Variants in PKM observed in about 807,000 individuals in gnomAD.
PKM encodes the protein pyruvate kinase PKM.
In PKM, 18 loss-of-function variants were observed where a neutral mutation model predicts 49.8. That is an observed-to-expected ratio of 0.36 (90% CI 0.25 to 0.54). The LOEUF (loss-of-function observed/expected upper bound fraction) is 0.54. Among genes scored for constraint, PKM ranks in the 20% least tolerant of loss-of-function variants. The pLI is 0.89. For synonymous variants in PKM, 239 were observed against 261.8 expected (o/e 0.91, Z 0.84); for missense variants, 508 against 713.8 (o/e 0.71, Z 3.28).
At chr15:72,223,023 CTT>C (rs755504486) in intron 1 of PKM, among the ~76,000 whole-genome samples, 14 of 132,048 alleles carry the variant, frequency 1.1e-4, no homozygotes, top group African/African-American at 1.1e-4. Flanking sequence ...TTTTTTTTTT[CTT>C]TTTTTTTTTT....
At chr15:72,207,990 T>C (rs957371452) in intron 6 of PKM, among the ~76,000 whole-genome samples, 1 of 152,186 alleles carries the variant, frequency 6.6e-6, no homozygotes, top group African/African-American at 2.4e-5. Flanking sequence ...CCAAAAATGG[T>C]GGCCATGCCC....
At chr15:72,223,988 C>T (rs2082595667) in intron 1 of PKM, among the ~76,000 whole-genome samples, 1 of 151,748 alleles carries the variant, frequency 6.6e-6, no homozygotes, top group African/African-American at 2.4e-5. Context: ...TCAACAGGAA[C>T]CTAAGGTCCT....
At chr15:72,220,686 T>C (rs2082498593) in intron 1 of PKM, among the ~76,000 whole-genome samples, 1 of 152,258 alleles carries the variant, frequency 6.6e-6, no homozygotes, top group Admixed American at 6.5e-5. Context: ...TATATGGTTT[T>C]GTATCTCCTA....
chr15:72,200,564 G>A lies in PKM; in HGVS notation c.1399C>T (p.Arg467Cys), dbSNP rs746373368. 9 of 1,613,796 alleles carry A rather than the reference G, an allele frequency of 5.6e-6. No individual in the cohort carries two copies. The highest frequency in any genetic ancestry group is 7.6e-6 in the Non-Finnish European group (9 of 1,179,878). The change falls in exon 10 of 11, where the codon CGT becomes TGT. Residue 467 changes from arginine (R) to cysteine (C), a missense_variant. Transcript: ENST00000335181. This position sits in a 1 kb window ranked among gnomAD's most constrained non-coding sequence, Gnocchi z 4.6. ...PQTARQAHLY[R>C]GIFPVLCKDP... ...TTGCACAGCACAGGGAAGATGCCACGGTACAGGTGGGCCTGACGAGCTGTC... is the reference window on the plus strand; with the variant it reads ...TTGCACAGCACAGGGAAGATGCCACAGTACAGGTGGGCCTGACGAGCTGTC...
In PKM at chr15:72,202,276, C is replaced by A; in HGVS notation, c.1307+178G>T. 1 of 657,656 alleles carries A rather than the reference C, an allele frequency of 1.5e-6. No homozygotes were observed. The highest frequency in any genetic ancestry group is 2.7e-6 in the Non-Finnish European group (1 of 369,500). 40.7% of individuals were successfully genotyped at this position (657,656 alleles called of 1,614,324 possible). On this transcript the variant is annotated intron_variant, in intron 9 of 10. Coordinates refer to ENST00000335181, the MANE Select transcript of PKM (RefSeq NM_002654.6). The surrounding 1 kb of genome is among the most constrained non-coding windows in gnomAD (Gnocchi z 4.5). ...ATTCCTTATGAGTGCTACCTAGAGTCCTTTGGGCCCAGGGAAGGGGCTCTG... is the reference window on the plus strand; with the variant it reads ...ATTCCTTATGAGTGCTACCTAGAGTACTTTGGGCCCAGGGAAGGGGCTCTG...
intron 1 of PKM, chr15:72,221,211 C>T: frequency 6.5e-7 from 1 of 1,535,580 alleles, no homozygotes; most frequent in Non-Finnish European, 8.7e-7. Context: ...TAATGCTCCC[C>T]TTTTGGCTCA....
chr15:72,199,528 G>A lies in PKM; in HGVS notation c.*122C>T. 1.3e-6 allele frequency: 1 copy of A among 742,352 alleles called. No homozygotes were observed. The highest frequency in any genetic ancestry group is 2.5e-6 in the Non-Finnish European group (1 of 407,508). 46.0% of individuals were successfully genotyped at this position (742,352 alleles called of 1,614,324 possible). ...CAGTGAGGCGTTGATCTTCTTCCCT[G>A]GTGTCCCAACCTACCAGTGCCACGT... On this transcript the variant is annotated 3_prime_UTR_variant, in exon 11 of 11. Coordinates refer to ENST00000335181, the MANE Select transcript of PKM (RefSeq NM_002654.6).
At chr15:72,207,380 G>T in intron 6 of PKM, 103 bp from the exon 7 acceptor site, 2 of 1,021,316 alleles carry the variant, frequency 2.0e-6, no homozygotes, top group Admixed American at 1.8e-5. Context: ...AGATGTCCTT[G>T]TACCAGGACA....
rs1481244593 is a variant in PKM at position 72,227,045 on chromosome 15, A to AGC, written c.-14+4069_-14+4070dup. ...TCACCCAGGCTCACCTTCCCCCAACAGCTTCTTTAACAAAGTCCCAAGTAT... is the reference window on the plus strand; with the variant it reads ...TCACCCAGGCTCACCTTCCCCCAACAGCGCTTCTTTAACAAAGTCCCAAGTAT... On this transcript the variant is annotated intron_variant, in intron 1 of 10. Coordinates refer to ENST00000335181, the MANE Select transcript of PKM (RefSeq NM_002654.6). Among the ~76,000 whole-genome samples, 8 of 152,338 alleles carry AGC rather than the reference A, an allele frequency of 5.3e-5. No individual in the cohort carries two copies. The South Asian group carries it at 1.4e-3, about 28-fold the overall frequency.
intron 1 of PKM, chr15:72,219,394 G>A (rs2082464076): frequency 1.6e-5 from 5 of 305,948 alleles, no homozygotes; most frequent in Non-Finnish European, 3.1e-5. Context: ...TCTTACACTG[G>A]GCTGACTGAC....
intron 8 of PKM, chr15:72,203,602 G>C (rs1321499766): frequency 2.1e-5 from 6 of 283,296 alleles, no homozygotes; most frequent in Non-Finnish European, 4.2e-5. Flanking sequence ...TGGTTGATTA[G>C]GCAGGCTCCT....
intron 8 of PKM, chr15:72,204,495 C>A (rs2082022821): frequency 6.6e-6 from 1 of 152,226 alleles, no homozygotes; most frequent in African/African-American, 2.4e-5. Context: ...CTGTTCTCAT[C>A]TCCTGCTAGA....
At chr15:72,230,091 GCCCGGCCGCGGCGAGATGGAGCGTGGT>G (rs1045320534) in intron 1 of PKM, among the ~76,000 whole-genome samples, 22 of 152,254 alleles carry the variant, frequency 1.4e-4, no homozygotes, top group African/African-American at 5.3e-4. Flanking sequence ...GCTACGTGCA[GCCCGGCCGCGGCGAGATGGAGCGTGGT>G]CCCTGGCGGC....
At chr15:72,223,584 A>G (rs1014078733) in intron 1 of PKM, among the ~76,000 whole-genome samples, 7 of 152,198 alleles carry the variant, frequency 4.6e-5, no homozygotes, top group Non-Finnish European at 1.0e-4. Flanking sequence ...CCTGCTCTCT[A>G]GTTCTCTTCC....
At chr15:72,212,332 G>A (rs1267006028) in intron 3 of PKM, among the ~76,000 whole-genome samples, 1 of 152,026 alleles carries the variant, frequency 6.6e-6, no homozygotes, top group African/African-American at 2.4e-5. Flanking sequence ...AAAATTAGCT[G>A]GGCGTGGTGG....
rs371719554 is a variant in PKM at position 72,223,491 on chromosome 15, T to C, written c.-13-4381A>G. Among the ~76,000 whole-genome samples the C allele has an allele frequency of 2.8e-4, 43 of 152,306 alleles. No individual in the cohort carries two copies. The East Asian group carries it at 6.4e-3, about 23-fold the overall frequency. ...TGCTACCTACACCTCCAAGCCATCA[T>C]GAAGGCGTTTCGATCCACAACTCTT... On this transcript the variant is annotated intron_variant, in intron 1 of 10. Transcript: ENST00000335181.
intron 9 of PKM, chr15:72,201,177 T>C (rs546777339): frequency 6.0e-4 from 93 of 154,336 alleles, no homozygotes; most frequent in Non-Finnish European, 1.1e-3. Flanking sequence ...GGCCCCTAGC[T>C]CCTGAAACAG....
Position 72,202,653 on chromosome 15 carries a change from A to AG in PKM, c.1141-34dup. The stretch of plus-strand genomic sequence containing the variant: ...AGCAACATCCGTCCAGAGGGACGAG[A>AG]GGGGGACAGAGCTTTGTCAGAGCTT... On this transcript the variant is annotated intron_variant, in intron 8 of 10. Coordinates refer to ENST00000335181, the MANE Select transcript of PKM (RefSeq NM_002654.6). The surrounding 1 kb of genome is among the most constrained non-coding windows in gnomAD (Gnocchi z 4.5). The AG allele has an allele frequency of 1.3e-6, 2 of 1,584,586 alleles. No homozygotes were observed. Among genetic ancestry groups the AG allele is most frequent in the Non-Finnish European group, 1.7e-6 (2 of 1,157,974 alleles).
intron 1 of PKM, chr15:72,229,425 C>T: frequency 2.0e-6 from 1 of 506,232 alleles, no homozygotes; most frequent in Non-Finnish European, 3.4e-6. Flanking sequence ...GCCTTTTTGA[C>T]AACTTCCCAA....
Sources: gnomAD v4.1 joint callset for allele counts (sites outside exome capture counted in the v4.1 genomes callset) on GRCh38, gnomAD v4.1.1 for gene constraint, Gnocchi (gnomAD v3.1) non-coding constraint, MANE v1.5 for transcripts, NCBI Gene and HGNC (gene_info 2026-07-23, HGNC 2026-07-21) for gene names.